OSBPL3: variants seen among roughly 807,000 people sequenced by gnomAD.
The protein encoded by OSBPL3 is oxysterol-binding protein-related protein 3.
In OSBPL3, 65 loss-of-function variants were observed where a neutral mutation model predicts 120.1. The ratio of observed to expected loss-of-function variants is 0.54; its 90% CI spans 0.44 to 0.67. OSBPL3 has a LOEUF of 0.67. OSBPL3 is among the 30% of genes least tolerant of loss of function. The probability of loss-of-function intolerance (pLI) is 0.00; values close to 1 mark genes in which losing one functional copy is unlikely to be tolerated. For synonymous variants in OSBPL3, 416 were observed against 402.6 expected, an observed-to-expected ratio of 1.03 and a Z score of -0.40; for missense variants, 1,004 against 1,082.1, an observed-to-expected ratio of 0.93 and a Z score of 1.01.
At chr7:24,920,334 C>T (rs1238098702) in intron 1 of OSBPL3, among the ~76,000 whole-genome samples, 3 of 152,110 alleles carry the variant, frequency 2.0e-5, no homozygotes, top group Non-Finnish European at 2.9e-5. Flanking sequence ...AGTCATGCTA[C>T]AACATGTATG....
rs2128109275 is a variant in OSBPL3, at chr7:24,808,377, A to G, written c.2317+1430T>C. 6.6e-6 allele frequency among the ~76,000 whole-genome samples: 1 copy of G among 152,364 alleles called. No homozygotes were observed. The highest frequency in any genetic ancestry group is 2.4e-5 in the African/African-American group (1 of 41,584). ...TGGGCCAGGGATGCTCACTGCCATT[A>G]GAGAGACATAAAGTCAAGGAATAAT... is the stretch of plus-strand genomic sequence containing the variant. On this transcript the variant is annotated intron_variant, in intron 20 of 22. Coordinates refer to ENST00000313367, the MANE Select transcript of OSBPL3 (RefSeq NM_015550.4). The surrounding 1 kb of genome is among the most constrained non-coding windows in gnomAD (Gnocchi z 4.6).
chr7:24,857,988 T>C (rs1213175792), intron 10 of OSBPL3, among the ~76,000 whole-genome samples: 1 of 152,238 alleles, frequency 6.6e-6, no homozygotes, highest in African/African-American at 2.4e-5. Context: ...AGCTAATATA[T>C]GCAACAAAAA....
chr7:24,960,531 T>C (rs1815603076), intron 1 of OSBPL3, among the ~76,000 whole-genome samples: 1 of 152,196 alleles, frequency 6.6e-6, no homozygotes. Flanking sequence ...TAAAAATCTT[T>C]TCCATTGGGC....
rs1338284468 is a variant in OSBPL3, at chr7:24,854,500, A to ACG, written c.1028-1868_1028-1867dup. Among the ~76,000 whole-genome samples, 185 of 85,274 alleles carry ACG rather than the reference A, an allele frequency of 2.2e-3. 1 individual carries two copies. Among genetic ancestry groups the ACG allele is most frequent in the African/African-American group, 8.3e-3 (160 of 19,166 alleles). 55.9% of individuals were successfully genotyped at this position (85,274 alleles called of 152,430 possible). ...GTCACAACAATTTGTACACACACAC[A>ACG]CGCACACACACACACACACACACAC... On this transcript the variant is annotated intron_variant, in intron 10 of 22. Transcript: ENST00000313367. The surrounding 1 kb of genome is among the most constrained non-coding windows in gnomAD (Gnocchi z 4.1).
intron 1 of OSBPL3, among the ~76,000 whole-genome samples, chr7:24,920,984 C>G (rs1017092818): frequency 5.3e-5 from 8 of 152,192 alleles, no homozygotes; most frequent in African/African-American, 1.7e-4. Context: ...CTGGGGTCTT[C>G]TAAGATCCCA....
chr7:24,889,941 G>A (rs1805098810), intron 2 of OSBPL3, among the ~76,000 whole-genome samples: 2 of 152,186 alleles, frequency 1.3e-5, no homozygotes, highest in African/African-American at 4.8e-5. Flanking sequence ...GGAACAGAAG[G>A]CCCTTGCTGC....
rs556762869 is a variant in OSBPL3 at position 24,928,689 on chromosome 7, C to A, written c.-149-36068G>T. 2.6e-5 allele frequency among the ~76,000 whole-genome samples: 4 copies of A among 152,306 alleles called. No homozygotes were observed. In the East Asian group the frequency reaches 5.8e-4, roughly 22 times the overall value. ...CATGCCCTTTTGCAGTCAACTCTAA[C>A]CCTGATGCCTCTGATTTCTATCACT... is the stretch of plus-strand genomic sequence containing the variant. On this transcript the variant is annotated intron_variant, in intron 1 of 22. Transcript: ENST00000313367.
Position 24,817,452 on chromosome 7 carries a change from G to C in OSBPL3, c.1949-764C>G, listed in dbSNP as rs1168608106. ...ACCCAAGAGGTGGAGGTTGCAGTGA[G>C]CCAAGATCATGCCATTGCACTCCAG... On this transcript the variant is annotated intron_variant, in intron 17 of 22. Transcript: ENST00000313367. This position sits in a 1 kb window ranked among gnomAD's most constrained non-coding sequence, Gnocchi z 4.0. Among the ~76,000 whole-genome samples the C allele has an allele frequency of 6.6e-6, 1 of 152,154 alleles. No individual in the cohort carries two copies. Among genetic ancestry groups the C allele is most frequent in the African/African-American group, 2.4e-5 (1 of 41,428 alleles).
At chr7:24,838,104 A>G (rs927316634) in intron 14 of OSBPL3, among the ~76,000 whole-genome samples, 1 of 152,020 alleles carries the variant, frequency 6.6e-6, no homozygotes, top group African/African-American at 2.4e-5. Flanking sequence ...ATCTCCCCCA[A>G]CCCCTGGGAA....
intron 1 of OSBPL3, among the ~76,000 whole-genome samples, chr7:24,892,888 T>C (rs1051659770): frequency 3.3e-5 from 5 of 152,194 alleles, no homozygotes; most frequent in Non-Finnish European, 7.4e-5. Context: ...ATCAGTACTA[T>C]AAAAAATCTT....
Position 24,922,512 on chromosome 7 carries a change from C to A in OSBPL3, c.-149-29891G>T. 6.6e-6 allele frequency among the ~76,000 whole-genome samples: 1 copy of A among 152,158 alleles called. No homozygotes were observed. The highest frequency in any genetic ancestry group is 1.9e-4 in the East Asian group (1 of 5,198). On this transcript the variant is annotated intron_variant, in intron 1 of 22. Transcript: ENST00000313367. This position sits in a 1 kb window ranked among gnomAD's most constrained non-coding sequence, Gnocchi z 4.3. ...CTAGAAACATGACTTTCTCATTAAA[C>A]AATTAAATACATAAAATGCACTATG... is the stretch of plus-strand genomic sequence containing the variant.
chr7:24,965,161 G>C lies in OSBPL3; in HGVS notation c.-150+14725C>G, dbSNP rs554852275. ...AAATATTTACTGTTAATGCATGAGC[G>C]AAAGGATTCTACATCTCCCTAATTT... On this transcript the variant is annotated intron_variant, in intron 1 of 22. Transcript: ENST00000313367. The surrounding 1 kb of genome is among the most constrained non-coding windows in gnomAD (Gnocchi z 4.3). Among the ~76,000 whole-genome samples the C allele has an allele frequency of 6.6e-6, 1 of 152,118 alleles. No homozygotes were observed. Among genetic ancestry groups the C allele is most frequent in the Non-Finnish European group, 1.5e-5 (1 of 68,026 alleles).
At chr7:24,848,362 T>C (rs187684124) in intron 12 of OSBPL3, among the ~76,000 whole-genome samples, 1 of 152,368 alleles carries the variant, frequency 6.6e-6, no homozygotes, top group East Asian at 1.9e-4. Context: ...ATTTAGCATA[T>C]CTGAAGCAGG....
intron 1 of OSBPL3, among the ~76,000 whole-genome samples, chr7:24,926,929 A>T (rs1174879641): frequency 6.6e-6 from 1 of 152,246 alleles, no homozygotes; most frequent in East Asian, 1.9e-4. Context: ...AATGTAGTCA[A>T]TGTTGTAAGA....
At chr7:24,832,509 CAAAGAAAA>C (rs1796511971) in intron 15 of OSBPL3, among the ~76,000 whole-genome samples, 1 of 96,686 alleles carries the variant, frequency 1.0e-5, no homozygotes, top group South Asian at 3.5e-4. Flanking sequence ...GACTCTGCCT[CAAAGAAAA>C]AAAAAAAAAA....
At chr7:24,929,537 GT>G (rs1368822103) in intron 1 of OSBPL3, among the ~76,000 whole-genome samples, 1 of 151,878 alleles carries the variant, frequency 6.6e-6, no homozygotes, top group African/African-American at 2.4e-5. Context: ...TGTCCCACAG[GT>G]TTCAAAGAGA....
chr7:24,843,602 T>A (rs1362640419), intron 12 of OSBPL3, among the ~76,000 whole-genome samples: 1 of 152,192 alleles, frequency 6.6e-6, no homozygotes, highest in East Asian at 1.9e-4. Context: ...TACAAATTGC[T>A]TGCTTCAGTT....
rs577273534 is a variant in OSBPL3, at chr7:24,805,236, A to G, written c.2445-799T>C. On this transcript the variant is annotated intron_variant, in intron 21 of 22. Transcript: ENST00000313367. The surrounding 1 kb of genome is among the most constrained non-coding windows in gnomAD (Gnocchi z 4.0). ...GAGTGCCCTTTTCTCCCATAACCTC[A>G]AAGTGTATAAAACTTCTGAATTTTT... Among the ~76,000 whole-genome samples, 12 of 152,328 alleles carry G rather than the reference A, an allele frequency of 7.9e-5. No homozygotes were observed. In the East Asian group the frequency reaches 2.3e-3, roughly 29 times the overall value.
intron 16 of OSBPL3, among the ~76,000 whole-genome samples, chr7:24,828,296 T>C (rs1399861245): frequency 6.6e-6 from 1 of 152,156 alleles, no homozygotes; most frequent in Non-Finnish European, 1.5e-5. Context: ...AAACTCTTAC[T>C]ATTCTTAACA....
Sources: gnomAD v4.1 joint callset for allele counts (sites outside exome capture counted in the v4.1 genomes callset) on GRCh38, gnomAD v4.1.1 for gene constraint, Gnocchi (gnomAD v3.1) non-coding constraint, MANE v1.5 for transcripts, NCBI Gene and HGNC (gene_info 2026-07-23, HGNC 2026-07-21) for gene names.